Variants in GPC3 observed in about 807,000 individuals in gnomAD.
GPC3 encodes glypican 3.
GPC3 carries 3 observed loss-of-function variants against 34.4 expected under a neutral mutation model. That is an observed-to-expected ratio of 0.09 (90% CI 0.04 to 0.23). The LOEUF is 0.23. GPC3 is among the 10% of genes least tolerant of loss of function. The probability of loss-of-function intolerance (pLI) is 1.00; values close to 1 mark genes in which losing one functional copy is unlikely to be tolerated. For synonymous variants in GPC3, 177 were observed against 174.0 expected (o/e 1.02, Z -0.13); for missense variants, 351 against 445.6 (o/e 0.79, Z 1.91).
Position 133,788,088 on chromosome X carries a change from T to TTTTATATA in GPC3, c.338-33913_338-33912insTATATAAA, listed in dbSNP as rs1291090668. Among the ~76,000 whole-genome samples the TTTTATATA allele has an allele frequency of 2.0e-4, 13 of 64,915 alleles. No homozygotes were observed. The East Asian group carries it at 3.8e-3, about 19-fold the overall frequency. 56.4% of individuals were successfully genotyped at this position (64,915 alleles called of 115,157 possible). A position where few individuals can be genotyped will look rare whatever the true frequency, so the allele number is the denominator to read the frequency against. On this transcript the variant is annotated intron_variant, in intron 2 of 7. Coordinates refer to ENST00000370818, the MANE Select transcript of GPC3 (RefSeq NM_004484.4). The stretch of plus-strand genomic sequence containing the variant: ...TATAATATAAAGATATCATATTATT[T>TTTTATATA]TATATATATATATATATATATATAT...
At chrX:133,866,196 C>A (rs1393388091) in intron 2 of GPC3, among the ~76,000 whole-genome samples, 1 of 111,901 alleles carries the variant, frequency 8.9e-6, no homozygotes, top group African/African-American at 3.2e-5. Context: ...TATGCAAATG[C>A]AAGTTTCAAC....
chrX:133,827,082 T>A (rs1334640669), intron 2 of GPC3, among the ~76,000 whole-genome samples: 2 of 111,953 alleles, frequency 1.8e-5, no homozygotes, highest in African/African-American at 6.5e-5. Context: ...ACTGAATTGT[T>A]CACTTTAAAA....
At chrX:133,639,839 T>C (rs2070464691) in intron 6 of GPC3, among the ~76,000 whole-genome samples, 1 of 111,479 alleles carries the variant, frequency 9.0e-6, no homozygotes, top group Non-Finnish European at 1.9e-5. Context: ...GGATAGATTA[T>C]TTTTTGCTGT....
chrX:133,694,023 GC>G (rs1306374409), intron 4 of GPC3, among the ~76,000 whole-genome samples: 1 of 110,443 alleles, frequency 9.1e-6, no homozygotes, highest in African/African-American at 3.3e-5. Flanking sequence ...ACAGTATGAG[GC>G]CTTCTAAATG....
chrX:133,764,812 C>T (rs892668210), intron 2 of GPC3, among the ~76,000 whole-genome samples: 4 of 111,759 alleles, frequency 3.6e-5, no homozygotes, highest in African/African-American at 9.7e-5. Flanking sequence ...GCTGTCATCT[C>T]GATGAGTTAT....
At chrX:133,558,755 G>A (rs1346722048) in intron 7 of GPC3, among the ~76,000 whole-genome samples, 2 of 108,839 alleles carry the variant, frequency 1.8e-5, no homozygotes, top group Non-Finnish European at 3.8e-5. Context: ...GCCCGGCATG[G>A]TAGCAGGGCC....
At chrX:133,676,375 G>A (rs186624975) in intron 5 of GPC3, among the ~76,000 whole-genome samples, 1 of 112,668 alleles carries the variant, frequency 8.9e-6, no homozygotes, top group Admixed American at 9.3e-5. Context: ...GGCATGGGCA[G>A]AGACACTGGC....
intron 2 of GPC3, among the ~76,000 whole-genome samples, chrX:133,855,222 G>T (rs2075894481): frequency 9.0e-6 from 1 of 110,658 alleles, no homozygotes; most frequent in African/African-American, 3.3e-5. Flanking sequence ...GAGAGCAGAG[G>T]CACGATCATG....
chrX:133,888,972 T>C (rs2076073959), intron 2 of GPC3, among the ~76,000 whole-genome samples: 1 of 112,295 alleles, frequency 8.9e-6, no homozygotes, highest in Non-Finnish European at 1.9e-5. Context: ...CTGATGTAGC[T>C]GAAGGCAAGA....
At chrX:133,583,663 C>T (rs1007249560) in intron 7 of GPC3, among the ~76,000 whole-genome samples, 1 of 112,159 alleles carries the variant, frequency 8.9e-6, no homozygotes, top group African/African-American at 3.2e-5. Context: ...CTGCACTTGG[C>T]CTGATATGCT....
At chrX:133,602,561 T>C (rs952465660) in intron 6 of GPC3, among the ~76,000 whole-genome samples, 2 of 111,708 alleles carry the variant, frequency 1.8e-5, no homozygotes, top group African/African-American at 6.5e-5. Context: ...CGTGGCAAAA[T>C]TGTCTTCTAC....
At chrX:133,889,653 C>T (rs923545720) in intron 2 of GPC3, among the ~76,000 whole-genome samples, 4 of 108,010 alleles carry the variant, frequency 3.7e-5, no homozygotes, top group Non-Finnish European at 5.7e-5. Context: ...CTACACAATA[C>T]ATATATACTA....
At chrX:133,776,245 G>C (rs1226664769) in intron 2 of GPC3, among the ~76,000 whole-genome samples, 1 of 111,390 alleles carries the variant, frequency 9.0e-6, no homozygotes, top group Non-Finnish European at 1.9e-5. Context: ...AAAGAATCTC[G>C]TTACACAGAT....
chrX:133,692,825 T>C (rs1304059079), intron 4 of GPC3, among the ~76,000 whole-genome samples: 1 of 112,103 alleles, frequency 8.9e-6, no homozygotes, highest in African/African-American at 3.2e-5. Context: ...GATTACAAGG[T>C]ACACTGGAGC....
At chrX:133,889,702 T>C (rs1267131878) in intron 2 of GPC3, among the ~76,000 whole-genome samples, 1 of 109,997 alleles carries the variant, frequency 9.1e-6, no homozygotes, top group Non-Finnish European at 1.9e-5. Flanking sequence ...AGTAAGTAAT[T>C]ATGCAATACT....
chrX:133,800,463 T>C (rs768237233), intron 2 of GPC3, among the ~76,000 whole-genome samples: 253 of 112,371 alleles, frequency 2.3e-3, no homozygotes, highest in Middle Eastern at 9.2e-3. Flanking sequence ...TCATCTACTC[T>C]GTTGTAACGA....
intron 1 of GPC3, among the ~76,000 whole-genome samples, chrX:133,959,261 G>A (rs1379011067): frequency 9.0e-6 from 1 of 111,623 alleles, no homozygotes; most frequent in Non-Finnish European, 1.9e-5. Context: ...GACTGCTCCT[G>A]GTTTTCTTTA....
chrX:133,839,427 A>G (rs2075813940), intron 2 of GPC3, among the ~76,000 whole-genome samples: 1 of 111,673 alleles, frequency 9.0e-6, no homozygotes, highest in Non-Finnish European at 1.9e-5. Flanking sequence ...GTATACATAT[A>G]TCAAATCACC....
chrX:133,891,861 A>G (rs1211340665), intron 2 of GPC3, among the ~76,000 whole-genome samples: 1 of 109,719 alleles, frequency 9.1e-6, no homozygotes, highest in African/African-American at 3.3e-5. Context: ...AAGTAAAAAA[A>G]TTATTTTTAA....
Sources: allele counts gnomAD v4.1 joint callset (sites outside exome capture counted in the v4.1 genomes callset), GRCh38; gene constraint gnomAD v4.1.1; transcripts MANE v1.5; gene names NCBI Gene and HGNC (gene_info 2026-07-23, HGNC 2026-07-21).